STAT4: variants seen among roughly 807,000 people sequenced by gnomAD.
STAT4 encodes the protein signal transducer and activator of transcription 4.
Under a neutral mutation model 110.5 loss-of-function variants are expected in STAT4, and 42 were observed. The observed-to-expected ratio is 0.38, with a 90% CI of 0.30 to 0.49. STAT4 has a LOEUF of 0.49. Among genes scored for constraint, STAT4 ranks in the 20% least tolerant of loss-of-function variants. STAT4 has a pLI of 0.95. For missense variants in STAT4, 632 were observed against 887.9 expected (o/e 0.71, Z 3.66); for synonymous variants, 284 against 302.2 (o/e 0.94, Z 0.63).
At chr2:191,048,215 G>A (rs1696405918) in intron 14 of STAT4, among the ~76,000 whole-genome samples, 1 of 152,172 alleles carries the variant, frequency 6.6e-6, no homozygotes, top group Non-Finnish European at 1.5e-5. Context: ...TATTTTCTCA[G>A]TGATTCAAAA....
In STAT4 at chr2:191,051,017, G is replaced by C. The variant is rs1476255633; in HGVS notation, c.1251+3473C>G. The stretch of plus-strand genomic sequence containing the variant: ...TTACAACCAAAAAGTAGAATGGAGC[G>C]ACCCAAAATTGTGTGTGTGCGTGTG... On this transcript the variant is annotated intron_variant, in intron 14 of 23. Transcript: ENST00000392320. The surrounding 1 kb of genome is among the most constrained non-coding windows in gnomAD (Gnocchi z 5.6). 6.6e-6 allele frequency among the ~76,000 whole-genome samples: 1 copy of C among 152,126 alleles called. No homozygotes were observed. Among genetic ancestry groups the C allele is most frequent in the Non-Finnish European group, 1.5e-5 (1 of 68,020 alleles).
At position 191,033,718 on chromosome 2, in the gene STAT4, CAA is replaced by C; in HGVS notation, c.1716-94_1716-93del. The C allele has an allele frequency of 6.6e-7, 1 of 1,524,778 alleles. No individual in the cohort carries two copies. The highest frequency in any genetic ancestry group is 8.8e-7 in the Non-Finnish European group (1 of 1,131,656). The allele number at this position is 1,524,778 out of a possible 1,614,324, so 94.5% of individuals were successfully genotyped here. On this transcript the variant is annotated intron_variant, in intron 19 of 23. Coordinates refer to ENST00000392320, the MANE Select transcript of STAT4 (RefSeq NM_003151.4). This position sits in a 1 kb window ranked among gnomAD's most constrained non-coding sequence, Gnocchi z 6.9. Reference sequence around the variant, plus strand: ...ACCTACAGTTTGTTTTGAGTGTAATCAAAAGTCATTCTTACCTGAAATACTCA... The same window carrying C: ...ACCTACAGTTTGTTTTGAGTGTAATCAAGTCATTCTTACCTGAAATACTCA...
Position 191,035,953 on chromosome 2 carries a change from T to C in STAT4, c.1570+211A>G, listed in dbSNP as rs545737619. Among the ~76,000 whole-genome samples the C allele has an allele frequency of 6.6e-6, 1 of 152,304 alleles. No individual in the cohort carries two copies. The highest frequency in any genetic ancestry group is 1.9e-4 in the East Asian group (1 of 5,180). ...GACTTCTGCACTCCAATCCAGTCAT[T>C]TATAAAATTGGTAGAATAAGCTGAG... On this transcript the variant is annotated intron_variant, in intron 17 of 23. Coordinates refer to ENST00000392320, the MANE Select transcript of STAT4 (RefSeq NM_003151.4). This position sits in a 1 kb window ranked among gnomAD's most constrained non-coding sequence, Gnocchi z 4.7.
intron 3 of STAT4, among the ~76,000 whole-genome samples, chr2:191,095,408 A>T (rs1362861289): frequency 3.3e-5 from 5 of 152,210 alleles, no homozygotes; most frequent in Non-Finnish European, 5.9e-5. Flanking sequence ...ATCACAACAA[A>T]CTATCTCTCA....
chr2:191,124,285 T>C (rs1285157375), intron 3 of STAT4, among the ~76,000 whole-genome samples: 1 of 151,690 alleles, frequency 6.6e-6, no homozygotes, highest in East Asian at 1.9e-4. Context: ...TGAAACCCCG[T>C]CTCTACTAAA....
chr2:191,071,196 T>C (rs756283799), intron 5 of STAT4, among the ~76,000 whole-genome samples: 2 of 152,202 alleles, frequency 1.3e-5, no homozygotes, highest in East Asian at 1.9e-4. Flanking sequence ...CCATTTTTCA[T>C]GTGAGGAAAC....
At position 191,092,237 on chromosome 2, in the gene STAT4, C is replaced by A. The variant is rs1181869859; in HGVS notation, c.274-15912G>T. On this transcript the variant is annotated intron_variant, in intron 3 of 23. Transcript: ENST00000392320. ...TAACCAACATGGTGAAACCCTGTCT[C>A]TACTAAAAATACAAAAATTAGCCAG... Among the ~76,000 whole-genome samples the A allele has an allele frequency of 2.0e-5, 3 of 151,998 alleles. No individual in the cohort carries two copies. In the East Asian group the frequency reaches 5.8e-4, roughly 29 times the overall value.
rs1205853456 is a variant in STAT4 at position 191,030,232 on chromosome 2, C to G, written c.2221-366G>C. 1.3e-5 allele frequency among the ~76,000 whole-genome samples: 2 copies of G among 152,134 alleles called. No homozygotes were observed. Among genetic ancestry groups the G allele is most frequent in the Non-Finnish European group, 2.9e-5 (2 of 68,022 alleles). ...AAGTGAATTTTTCATCTATGGAAAT[C>G]TTCAAGAGAAGGACTAAAAGCCAGC... On this transcript the variant is annotated intron_variant, in intron 23 of 23. Transcript: ENST00000392320. This position sits in a 1 kb window ranked among gnomAD's most constrained non-coding sequence, Gnocchi z 4.4.
chr2:191,066,378 TAGAAAAAAGG>T lies in STAT4; in HGVS notation c.630+42_630+51del. On this transcript the variant is annotated intron_variant, in intron 7 of 23. Coordinates refer to ENST00000392320, the MANE Select transcript of STAT4 (RefSeq NM_003151.4). This position sits in a 1 kb window ranked among gnomAD's most constrained non-coding sequence, Gnocchi z 4.3. ...TGATTATTTTCAGTTAGTCTAAGTT[TAGAAAAAAGG>T]AGAAAAATAGGCAAAAGCCCAAATT... 6.7e-7 allele frequency: 1 copy of T among 1,492,212 alleles called. No homozygotes were observed. The allele number at this position is 1,492,212 out of a possible 1,614,324, so 92.4% of individuals were successfully genotyped here.
intron 3 of STAT4, among the ~76,000 whole-genome samples, chr2:191,096,255 C>T (rs1456363836): frequency 6.6e-6 from 1 of 152,128 alleles, no homozygotes; most frequent in Non-Finnish European, 1.5e-5. Flanking sequence ...GGGAATCCTC[C>T]CTAATTCATT....
chr2:191,114,549 A>G (rs1698522710), intron 3 of STAT4, among the ~76,000 whole-genome samples: 1 of 152,190 alleles, frequency 6.6e-6, no homozygotes, highest in Non-Finnish European at 1.5e-5. Flanking sequence ...TCTCAGTTGC[A>G]TAACTTGTGT....
intron 14 of STAT4, among the ~76,000 whole-genome samples, chr2:191,041,875 G>A: frequency 6.6e-6 from 1 of 152,196 alleles, no homozygotes; most frequent in East Asian, 1.9e-4. Flanking sequence ...GCTCTTTGGA[G>A]TGGATGAGTC....
In STAT4 at chr2:191,054,676, G is replaced by A. The variant is rs115994719; in HGVS notation, c.1207-142C>T. 68 of 657,386 alleles carry A rather than the reference G, an allele frequency of 1.0e-4. No homozygotes were observed. The African/African-American group carries it at 1.1e-3, about 11-fold the overall frequency. 40.7% of individuals were successfully genotyped at this position (657,386 alleles called of 1,614,324 possible). ...CATATTTTCAAACTCATTGAAACCT[G>A]ACACAACTGCCCAGATTTGACAGAG... On this transcript the variant is annotated intron_variant, in intron 13 of 23. Transcript: ENST00000392320.
In STAT4 at chr2:191,083,725, C is replaced by G. The variant is rs914350802; in HGVS notation, c.274-7400G>C. Among the ~76,000 whole-genome samples, 7 of 152,170 alleles carry G rather than the reference C, an allele frequency of 4.6e-5. No homozygotes were observed. The highest frequency in any genetic ancestry group is 3.3e-4 in the Admixed American group (5 of 15,270). On this transcript the variant is annotated intron_variant, in intron 3 of 23. Transcript: ENST00000392320. This position sits in a 1 kb window ranked among gnomAD's most constrained non-coding sequence, Gnocchi z 4.6. ...TCTCTCTCCCTTTGCATCACAAATA[C>G]TGCTGTTGAGTCATTTTTATCTTTA... is the stretch of plus-strand genomic sequence containing the variant.
In STAT4 at chr2:191,033,079, G is replaced by C; in HGVS notation, c.1923C>G (p.Ile641Met). 1.9e-6 allele frequency: 3 copies of C among 1,614,200 alleles called. No individual in the cohort carries two copies. The highest frequency in any genetic ancestry group is 2.5e-6 in the Non-Finnish European group (3 of 1,180,036). Reference sequence around the variant, plus strand: ...CCATAATAACTTTGTAGTCTCGCAGGATGTCAGCGAATGGCAGAGCAGACA... The same window carrying C: ...CCATAATAACTTTGTAGTCTCGCAGCATGTCAGCGAATGGCAGAGCAGACA... ...GRLSALPFAD[I>M]LRDYKVIMAE... The change falls in exon 21 of 24, where the codon ATC becomes ATG. Residue 641 changes from isoleucine (I) to methionine (M), a missense_variant. This residue lies in a region of STAT4 where 74 missense variants were observed against 154.3 expected (regional missense o/e 0.48). Transcript: ENST00000392320. This position sits in a 1 kb window ranked among gnomAD's most constrained non-coding sequence, Gnocchi z 6.9.
intron 4 of STAT4, among the ~76,000 whole-genome samples, chr2:191,074,854 T>A (rs527381663): frequency 6.6e-6 from 1 of 152,278 alleles, no homozygotes; most frequent in South Asian, 2.1e-4. Context: ...GAGAATTTTT[T>A]AAGAGTTAAA....
At chr2:191,137,444 C>T (rs1699208887) in intron 3 of STAT4, among the ~76,000 whole-genome samples, 1 of 152,082 alleles carries the variant, frequency 6.6e-6, no homozygotes, top group Non-Finnish European at 1.5e-5. Context: ...AAGCAATCTA[C>T]AGAATCAAAG....
chr2:191,103,752 A>T (rs1698205622), intron 3 of STAT4, among the ~76,000 whole-genome samples: 1 of 152,174 alleles, frequency 6.6e-6, no homozygotes, highest in Admixed American at 6.5e-5. Context: ...CTATTTCAAC[A>T]TACACTACAG....
At chr2:191,097,244 T>A (rs79385886) in intron 3 of STAT4, among the ~76,000 whole-genome samples, 2 of 152,040 alleles carry the variant, frequency 1.3e-5, no homozygotes, top group Non-Finnish European at 2.9e-5. Flanking sequence ...TACCAAAGAC[T>A]TTTTTCACAG....
Sources: gnomAD v4.1 joint callset for allele counts (sites outside exome capture counted in the v4.1 genomes callset) on GRCh38, gnomAD v4.1.1 for gene constraint, gnomAD v4.1.1 regional missense constraint, Gnocchi (gnomAD v3.1) non-coding constraint, MANE v1.5 for transcripts, NCBI Gene and HGNC (gene_info 2026-07-23, HGNC 2026-07-21) for gene names.